The following SEMA5A variants were observed in gnomAD, a reference collection of about 807,000 sequenced individuals.
SEMA5A encodes the protein semaphorin-5A.
In SEMA5A, 55 loss-of-function variants were observed where a neutral mutation model predicts 135.5. The ratio of observed to expected loss-of-function variants is 0.41; its 90% CI spans 0.33 to 0.51. The LOEUF is 0.51. SEMA5A is among the 20% of genes least tolerant of loss of function. SEMA5A has a pLI of 0.37. For synonymous variants in SEMA5A, 580 were observed against 546.5 expected (o/e 1.06, Z -0.85); for missense variants, 1,290 against 1,419.9 (o/e 0.91, Z 1.47).
At chr5:9,046,683 G>T (rs979735259) in intron 21 of SEMA5A, among the ~76,000 whole-genome samples, 2 of 152,166 alleles carry the variant, frequency 1.3e-5, no homozygotes, top group Admixed American at 1.3e-4. Context: ...ATCTCTCTTT[G>T]TCCCTAAACC....
intron 8 of SEMA5A, among the ~76,000 whole-genome samples, chr5:9,216,308 T>G (rs973717009): frequency 1.3e-5 from 2 of 152,226 alleles, no homozygotes; most frequent in African/African-American, 4.8e-5. Flanking sequence ...AGTGATTTTC[T>G]TAGTCTTGAC....
chr5:9,330,864 G>T (rs533682060), intron 4 of SEMA5A, among the ~76,000 whole-genome samples: 1 of 152,168 alleles, frequency 6.6e-6, no homozygotes, highest in African/African-American at 2.4e-5. Context: ...ATAAAGATTT[G>T]ATTGGAAGAG....
intron 1 of SEMA5A, among the ~76,000 whole-genome samples, chr5:9,443,062 C>A (rs143433589): frequency 3.9e-5 from 6 of 152,218 alleles, no homozygotes. Context: ...TCTGGTTATA[C>A]GCACTGCAAC....
At chr5:9,467,027 G>C (rs1277744289) in intron 1 of SEMA5A, among the ~76,000 whole-genome samples, 1 of 152,246 alleles carries the variant, frequency 6.6e-6, no homozygotes, top group African/African-American at 2.4e-5. Context: ...CAAACCAATA[G>C]CCTTCCCCAG....
intron 5 of SEMA5A, among the ~76,000 whole-genome samples, chr5:9,283,998 A>G (rs942472633): frequency 1.3e-5 from 2 of 152,186 alleles, no homozygotes; most frequent in African/African-American, 4.8e-5. Flanking sequence ...AGATAGATAG[A>G]TAGATAACAG....
intron 4 of SEMA5A, among the ~76,000 whole-genome samples, chr5:9,328,620 A>G (rs1752981629): frequency 6.6e-6 from 1 of 152,100 alleles, no homozygotes; most frequent in Non-Finnish European, 1.5e-5. Context: ...CTCCACTAAA[A>G]ATACAATTAG....
chr5:9,348,466 C>A (rs971823006), intron 3 of SEMA5A, among the ~76,000 whole-genome samples: 4 of 152,092 alleles, frequency 2.6e-5, no homozygotes, highest in African/African-American at 9.7e-5. Flanking sequence ...AGTTGGTGCC[C>A]AGCCTGCCCC....
chr5:9,243,835 T>TAA (rs1470518211), intron 5 of SEMA5A, among the ~76,000 whole-genome samples: 1 of 152,180 alleles, frequency 6.6e-6, no homozygotes, highest in East Asian at 1.9e-4. Flanking sequence ...TCCTGCTATT[T>TAA]AAATTGCCAA....
chr5:9,470,941 T>C (rs919408587), intron 1 of SEMA5A, among the ~76,000 whole-genome samples: 22 of 152,174 alleles, frequency 1.4e-4, no homozygotes, highest in African/African-American at 5.3e-4. Context: ...GTCCATTCCA[T>C]AGAGCTGGAA....
At chr5:9,232,251 CGCCCA>C (rs1442381884) in intron 6 of SEMA5A, among the ~76,000 whole-genome samples, 2 of 152,140 alleles carry the variant, frequency 1.3e-5, no homozygotes, top group Admixed American at 6.5e-5. Context: ...CCCAGCCCGT[CGCCCA>C]GCCCACTAAT....
At chr5:9,270,136 T>C (rs1749895028) in intron 5 of SEMA5A, among the ~76,000 whole-genome samples, 1 of 152,146 alleles carries the variant, frequency 6.6e-6, no homozygotes, top group Non-Finnish European at 1.5e-5. Flanking sequence ...CTGTGTGATC[T>C]GCCCGCAGGA....
chr5:9,262,896 TA>T (rs200691633), intron 5 of SEMA5A, among the ~76,000 whole-genome samples: 46,064 of 114,054 alleles, frequency 0.4, 8,000 homozygotes, highest in Non-Finnish European at 0.47. Context: ...TAGATTATAA[TA>T]AAAAAAAAAA....
intron 5 of SEMA5A, among the ~76,000 whole-genome samples, chr5:9,318,089 G>A (rs1752468233): frequency 2.0e-5 from 3 of 152,186 alleles, no homozygotes; most frequent in African/African-American, 7.2e-5. Context: ...AGGCTTTGAA[G>A]CAATGTTCCT....
At chr5:9,048,545 G>A (rs1424469335) in intron 21 of SEMA5A, among the ~76,000 whole-genome samples, 1 of 146,570 alleles carries the variant, frequency 6.8e-6, no homozygotes, top group Non-Finnish European at 1.5e-5. Context: ...CAGCAGCACT[G>A]TTAAGGAGAT....
intron 5 of SEMA5A, among the ~76,000 whole-genome samples, chr5:9,309,468 G>T (rs1403878332): frequency 3.9e-5 from 6 of 152,150 alleles, no homozygotes; most frequent in African/African-American, 1.4e-4. Flanking sequence ...GTTATGGCCA[G>T]TGGAATTTGG....
chr5:9,465,457 T>C (rs1309319190), intron 1 of SEMA5A, among the ~76,000 whole-genome samples: 1 of 152,200 alleles, frequency 6.6e-6, no homozygotes, highest in African/African-American at 2.4e-5. Flanking sequence ...ATCCATTGGT[T>C]CCATATCTGT....
intron 20 of SEMA5A, 74 bp downstream of exon 20, chr5:9,051,799 C>T (rs888772256): frequency 6.3e-7 from 1 of 1,582,594 alleles, no homozygotes. Context: ...AAATAAAACT[C>T]TGACCTATGA....
intron 5 of SEMA5A, among the ~76,000 whole-genome samples, chr5:9,305,066 G>A (rs926391889): frequency 6.6e-6 from 1 of 152,022 alleles, no homozygotes; most frequent in Middle Eastern, 3.2e-3. Flanking sequence ...AAGGCCCGCC[G>A]CACAACAGTT....
chr5:9,044,276 C>T, intron 22 of SEMA5A, 97 bp downstream of exon 22: 1 of 1,067,238 alleles, frequency 9.4e-7, no homozygotes, highest in East Asian at 2.4e-5. Context: ...AATTCAGTTT[C>T]AAAGGAAACC....
Sources: allele counts gnomAD v4.1 joint callset (sites outside exome capture counted in the v4.1 genomes callset), GRCh38; gene constraint gnomAD v4.1.1; transcripts MANE v1.5; gene names NCBI Gene and HGNC (gene_info 2026-07-23, HGNC 2026-07-21).